Variants in VPS13D observed in about 807,000 individuals in gnomAD.
The protein encoded by VPS13D is intermembrane lipid transfer protein VPS13D.
In VPS13D, 187 loss-of-function variants were observed where a neutral mutation model predicts 461.9. That is an observed-to-expected ratio of 0.40 (90% CI 0.36 to 0.46). The LOEUF is 0.46. Ranked by LOEUF, VPS13D falls within the 20% of genes least tolerant of loss-of-function variation. VPS13D has a pLI of 0.60. For missense variants in VPS13D, 4,711 were observed against 5,364.9 expected, an observed-to-expected ratio of 0.88 and a Z score of 3.81; for synonymous variants, 1,951 against 1,986.3, an observed-to-expected ratio of 0.98 and a Z score of 0.47.
At chr1:12,497,151 C>T (rs1237251388) in intron 67 of VPS13D, 4 of 159,408 alleles carry the variant, frequency 2.5e-5, no homozygotes, top group Non-Finnish European at 4.1e-5. Context: ...GCTCACCATC[C>T]GCCAGGAGCA....
At chr1:12,491,252 A>G (rs1207423061) in intron 67 of VPS13D, among the ~76,000 whole-genome samples, 7 of 152,378 alleles carry the variant, frequency 4.6e-5, no homozygotes, top group African/African-American at 1.7e-4. Context: ...TAAACATTCT[A>G]TGATGCTAAC....
chr1:12,397,621 C>T (rs760127781), intron 60 of VPS13D, among the ~76,000 whole-genome samples: 12 of 152,180 alleles, frequency 7.9e-5, no homozygotes, highest in Non-Finnish European at 1.8e-4. Flanking sequence ...TTCAAAAATG[C>T]AGGCTTTGCT....
At chr1:12,410,947 T>C (rs1156952094) in intron 63 of VPS13D, among the ~76,000 whole-genome samples, 1 of 152,196 alleles carries the variant, frequency 6.6e-6, no homozygotes, top group Non-Finnish European at 1.5e-5. Flanking sequence ...AAGCTAAAAA[T>C]AGAAGATAAC....
At chr1:12,459,725 C>G (rs1287467195) in intron 66 of VPS13D, among the ~76,000 whole-genome samples, 1 of 152,126 alleles carries the variant, frequency 6.6e-6, no homozygotes, top group Non-Finnish European at 1.5e-5. Context: ...GATCTGCCCG[C>G]CGCAGCCTCC....
In VPS13D at chr1:12,388,959, G is replaced by T. The variant is rs530635419; in HGVS notation, c.11634+2625G>T. ...AAAGAATATTACTGGTGTAGTCGGG[G>T]TTCTCTTAGAGGGACAGAACTAAAA... On this transcript the variant is annotated intron_variant, in intron 60 of 69. Transcript: ENST00000620676. Among the ~76,000 whole-genome samples the T allele has an allele frequency of 5.9e-5, 9 of 152,266 alleles. No homozygotes were observed. In the East Asian group the frequency reaches 9.7e-4, roughly 16 times the overall value.
At position 12,266,867 on chromosome 1, in the gene VPS13D, T is replaced by C. The variant is rs1641287184; in HGVS notation, c.1595-14T>C. On this transcript the variant is annotated splice_polypyrimidine_tract_variant and intron_variant, in intron 13 of 69. Transcript: ENST00000620676. ...CATAAGCATTGTATCAACTATTTTA[T>C]TTATCTTTTATAGATGTAAAACTTC... 6.5e-7 allele frequency: 1 copy of C among 1,547,952 alleles called. No homozygotes were observed. Among genetic ancestry groups the C allele is most frequent in the South Asian group, 1.2e-5 (1 of 81,374 alleles).
Position 12,282,797 on chromosome 1 carries a change from T to C in VPS13D, c.4695T>C (p.Ala1565=). The C allele has an allele frequency of 6.2e-7, 1 of 1,614,152 alleles. No homozygotes were observed. Among genetic ancestry groups the C allele is most frequent in the South Asian group, 1.1e-5 (1 of 91,076 alleles). ...ATCTGAATAAGTATCCAGCCAGTGC[T>C]ACCTCCTCCCCTTGCCCTGATTCTC... ...SEDLNKYPAS[A]TSSPCPDSPL... The change falls in exon 21 of 70, where the codon GCT becomes GCC. Residue 1565 remains alanine (A), a synonymous_variant. Coordinates refer to ENST00000620676, the MANE Select transcript of VPS13D (RefSeq NM_015378.4).
chr1:12,508,393 T>C (rs1005396286), intron 69 of VPS13D, among the ~76,000 whole-genome samples: 1 of 151,990 alleles, frequency 6.6e-6, no homozygotes, highest in Non-Finnish European at 1.5e-5. Context: ...ATGGGTTGGC[T>C]GTACAGTCCT....
chr1:12,346,901 A>G (rs1471361605), intron 44 of VPS13D, among the ~76,000 whole-genome samples: 3 of 152,250 alleles, frequency 2.0e-5, no homozygotes, highest in African/African-American at 7.2e-5. Flanking sequence ...TGTTTGGTCC[A>G]AGGTCTCCTT....
chr1:12,389,361 C>T (rs1190806327), intron 60 of VPS13D, among the ~76,000 whole-genome samples: 1 of 152,112 alleles, frequency 6.6e-6, no homozygotes, highest in Non-Finnish European at 1.5e-5. Context: ...CATCACAAGT[C>T]CACCCTTTGT....
intron 34 of VPS13D, among the ~76,000 whole-genome samples, chr1:12,323,346 G>A (rs1643094113): frequency 6.6e-6 from 1 of 152,086 alleles, no homozygotes; most frequent in South Asian, 2.1e-4. Context: ...AAAGTATTGG[G>A]ATTACTGGTG....
intron 65 of VPS13D, among the ~76,000 whole-genome samples, chr1:12,419,949 T>C (rs922008113): frequency 6.6e-5 from 10 of 152,302 alleles, no homozygotes; most frequent in African/African-American, 1.4e-4. Flanking sequence ...GTTAAAGATA[T>C]CTAAACCTAG....
In VPS13D at chr1:12,261,020, A is replaced by G. The variant is rs1320260785; in HGVS notation, c.1285A>G (p.Met429Val). The change falls in exon 12 of 70, where the codon ATG becomes GTG. Residue 429 changes from methionine (M) to valine (V), a missense_variant. Around this residue, in one of 3 missense-constraint regions of VPS13D, gnomAD observed 4,411 missense variants for 4,937.8 expected, o/e 0.89. Coordinates refer to ENST00000620676, the MANE Select transcript of VPS13D (RefSeq NM_015378.4). ...GAPEPGGGSG[M>V]LQYLQSWFPG... ...CCCAGAACCCGGTGGAGGCAGTGGG[A>G]TGCTGCAGTATCTCCAGTCCTGGTT... is the stretch of plus-strand genomic sequence containing the variant. The G allele has an allele frequency of 1.9e-6, 3 of 1,613,884 alleles. No homozygotes were observed. The highest frequency in any genetic ancestry group is 1.7e-5 in the Admixed American group (1 of 60,006).
intron 65 of VPS13D, among the ~76,000 whole-genome samples, chr1:12,447,893 T>A (rs1645213195): frequency 6.6e-6 from 1 of 152,230 alleles, no homozygotes; most frequent in African/African-American, 2.4e-5. Flanking sequence ...TTAATTGACA[T>A]ATTTATGCTT....
chr1:12,273,514 C>G (rs1641514907), intron 18 of VPS13D, among the ~76,000 whole-genome samples: 1 of 152,190 alleles, frequency 6.6e-6, no homozygotes, highest in African/African-American at 2.4e-5. Flanking sequence ...AGGACTTTTG[C>G]ATCTTCCCCG....
rs766031363 is a variant in VPS13D, at chr1:12,368,450, T to C, written c.10449-18T>C. The C allele has an allele frequency of 2.8e-5, 45 of 1,590,048 alleles. No individual in the cohort carries two copies. The Admixed American group carries it at 7.9e-4, about 28-fold the overall frequency. ...CTCCTACATTTTATGTAGCCTCTTT[T>C]GTTTCCTTGTCCTGCAGGGATACCT... On this transcript the variant is annotated intron_variant, in intron 52 of 69. Transcript: ENST00000620676.
chr1:12,335,355 C>T (rs1027218862), intron 38 of VPS13D, among the ~76,000 whole-genome samples: 3 of 152,218 alleles, frequency 2.0e-5, no homozygotes, highest in Non-Finnish European at 4.4e-5. Context: ...GCGTGAGCCA[C>T]CGCGTCCGGC....
intron 48 of VPS13D, 103 bp from the exon 49 acceptor site, chr1:12,356,295 G>GT: frequency 4.1e-6 from 6 of 1,458,762 alleles, no homozygotes; most frequent in Non-Finnish European, 5.5e-6. Context: ...AATAGATTCA[G>GT]TTTTCACTCT....
chr1:12,408,314 C>G (rs1644681086), intron 63 of VPS13D, among the ~76,000 whole-genome samples: 1 of 151,652 alleles, frequency 6.6e-6, no homozygotes, highest in South Asian at 2.1e-4. Flanking sequence ...TTTATTTATA[C>G]CAAAGAGAGA....
Sources: gnomAD v4.1 joint callset for allele counts (sites outside exome capture counted in the v4.1 genomes callset) on GRCh38, gnomAD v4.1.1 for gene constraint, gnomAD v4.1.1 regional missense constraint, MANE v1.5 for transcripts, NCBI Gene and HGNC (gene_info 2026-07-23, HGNC 2026-07-21) for gene names.